Variants in LAMA2 observed in about 807,000 individuals in gnomAD.
The protein encoded by LAMA2 is laminin subunit alpha 2.
A neutral mutation model predicts 364.8 loss-of-function variants in LAMA2; 269 were observed. The observed-to-expected ratio is 0.74, with a 90% CI of 0.67 to 0.82. LAMA2 has a LOEUF of 0.82. LAMA2 is among the 40% of genes least tolerant of loss of function. The pLI, the probability that LAMA2 is intolerant of heterozygous loss-of-function variation, is 0.00. For synonymous variants in LAMA2, 1,379 were observed against 1,370.6 expected (o/e 1.01, Z -0.14); for missense variants, 3,807 against 3,873.2 (o/e 0.98, Z 0.45).
At chr6:129,449,627 G>C (rs1220041747) in intron 45 of LAMA2, among the ~76,000 whole-genome samples, 1 of 152,052 alleles carries the variant, frequency 6.6e-6, no homozygotes, top group Non-Finnish European at 1.5e-5. Context: ...GGCATATTGG[G>C]TATAACAACA....
At chr6:128,918,563 C>T (rs1778495591) in intron 1 of LAMA2, among the ~76,000 whole-genome samples, 1 of 152,188 alleles carries the variant, frequency 6.6e-6, no homozygotes, top group South Asian at 2.1e-4. Context: ...AGAAAATTGT[C>T]ACCCAACCTA....
At chr6:128,910,653 C>T (rs1264027162) in intron 1 of LAMA2, among the ~76,000 whole-genome samples, 1 of 152,176 alleles carries the variant, frequency 6.6e-6, no homozygotes, top group Admixed American at 6.5e-5. Context: ...AGTCGTTCTC[C>T]GTCTAGCTTC....
chr6:129,429,989 A>G lies in LAMA2; in HGVS notation c.5968+2135A>G, dbSNP rs528262838. Among the ~76,000 whole-genome samples the G allele has an allele frequency of 1.4e-4, 22 of 152,320 alleles. No individual in the cohort carries two copies. In the East Asian group the frequency reaches 2.1e-3, roughly 15 times the overall value. ...TTTAAATTTATTTTTTTTGTAGTTC[A>G]GGTAGTACATTATTTAAAGTAATGA... On this transcript the variant is annotated intron_variant, in intron 41 of 64. Coordinates refer to ENST00000421865, the MANE Select transcript of LAMA2 (RefSeq NM_000426.4).
intron 13 of LAMA2, among the ~76,000 whole-genome samples, chr6:129,251,349 A>C (rs2114283547): frequency 6.6e-6 from 1 of 151,968 alleles, no homozygotes; most frequent in South Asian, 2.1e-4. Context: ...AGCTTAATTC[A>C]GTTTTAAGTT....
chr6:129,402,360 T>C lies in LAMA2; in HGVS notation c.5599T>C (p.Ser1867Pro), dbSNP rs1294695611. The C allele has an allele frequency of 6.2e-7, 1 of 1,614,000 alleles. No homozygotes were observed. Among genetic ancestry groups the C allele is most frequent in the Non-Finnish European group, 8.5e-7 (1 of 1,179,924 alleles). Residue 1867 changes from serine (S) to proline (P), a missense_variant, in exon 39 of 65, where the codon TCT becomes CCT. This residue lies in a region of LAMA2 where 3,333 missense variants were observed against 3,345.7 expected (regional missense o/e 1.00). Transcript: ENST00000421865. ...EDIQTKLPPM[S>P]EELNDKIDDL... Reference sequence around the variant, plus strand: ...CATCCAAACTAAATTGCCACCTATGTCTGAGGAGCTTAATGATAAAATAGA... The same window carrying C: ...CATCCAAACTAAATTGCCACCTATGCCTGAGGAGCTTAATGATAAAATAGA...
chr6:129,485,487 A>C (rs1000620554), intron 55 of LAMA2, among the ~76,000 whole-genome samples: 3 of 152,226 alleles, frequency 2.0e-5, no homozygotes, highest in Non-Finnish European at 4.4e-5. Context: ...TCTGTTAGAC[A>C]TAATTAGATT....
At position 128,961,345 on chromosome 6, in the gene LAMA2, ATATATATATATATATATATATATT is replaced by A. The variant is rs1316815063; in HGVS notation, c.112+77989_112+78012del. On this transcript the variant is annotated intron_variant, in intron 1 of 64. Coordinates refer to ENST00000421865, the MANE Select transcript of LAMA2 (RefSeq NM_000426.4). ...TATATATATATATATATATATATAT[ATATATATATATATATATATATATT>A]AGTTTATTAAGTATTAACTTATACG... 7.2e-4 allele frequency among the ~76,000 whole-genome samples: 48 copies of A among 66,348 alleles called. 4 individuals carry two copies. Among genetic ancestry groups the A allele is most frequent in the African/African-American group, 2.4e-3 (43 of 17,666 alleles). 43.5% of individuals were successfully genotyped at this position (66,348 alleles called of 152,430 possible).
chr6:129,006,229 G>C (rs1784436950), intron 1 of LAMA2, among the ~76,000 whole-genome samples: 1 of 152,066 alleles, frequency 6.6e-6, no homozygotes, highest in Non-Finnish European at 1.5e-5. Context: ...TTGAGACCAA[G>C]TGACATTTCA....
chr6:129,428,392 C>G (rs1255134328), intron 41 of LAMA2, among the ~76,000 whole-genome samples: 1 of 152,232 alleles, frequency 6.6e-6, no homozygotes, highest in Non-Finnish European at 1.5e-5. Flanking sequence ...TGTGATCACA[C>G]TACTGTACAC....
At chr6:129,110,283 T>A (rs1264689064) in intron 4 of LAMA2, among the ~76,000 whole-genome samples, 1 of 152,050 alleles carries the variant, frequency 6.6e-6, no homozygotes, top group Non-Finnish European at 1.5e-5. Context: ...AGAAAAGAAC[T>A]ATTAAATGAA....
chr6:129,319,641 G>A (rs1347923086), intron 27 of LAMA2, among the ~76,000 whole-genome samples: 1 of 152,080 alleles, frequency 6.6e-6, no homozygotes, highest in Non-Finnish European at 1.5e-5. Flanking sequence ...GAACAACATG[G>A]TGGTTAGGAG....
intron 29 of LAMA2, among the ~76,000 whole-genome samples, chr6:129,330,597 TG>T (rs1302275891): frequency 0.021 from 1,509 of 70,678 alleles, 53 homozygotes; most frequent in African/African-American, 0.072. Context: ...GTTTGGTTTT[TG>T]TTTTTTTTTT....
At chr6:129,323,306 A>G (rs890631583) in intron 28 of LAMA2, among the ~76,000 whole-genome samples, 8 of 152,324 alleles carry the variant, frequency 5.3e-5, no homozygotes, top group Middle Eastern at 3.4e-3. Context: ...TACAAAATGT[A>G]TAGTATTCTA....
At chr6:129,046,922 A>G (rs1012594165) in intron 1 of LAMA2, among the ~76,000 whole-genome samples, 1 of 152,214 alleles carries the variant, frequency 6.6e-6, no homozygotes, top group African/African-American at 2.4e-5. Context: ...TTTTATTCTC[A>G]GATCCTTTAC....
rs115304656 is a variant in LAMA2 at position 129,369,418 on chromosome 6, G to A, written c.4861-474G>A. On this transcript the variant is annotated intron_variant, in intron 33 of 64. Coordinates refer to ENST00000421865, the MANE Select transcript of LAMA2 (RefSeq NM_000426.4). ...ACCGAGGACAGGCCAGTTAGTTAGC[G>A]CCTAGCCAGGTCTCTATGTTAAGGC... is the stretch of plus-strand genomic sequence containing the variant. Among the ~76,000 whole-genome samples the A allele has an allele frequency of 1.8e-3, 274 of 152,230 alleles. 1 individual carries two copies. Among genetic ancestry groups the A allele is most frequent in the African/African-American group, 6.0e-3 (249 of 41,542 alleles).
chr6:129,180,453 G>A (rs895326552), intron 10 of LAMA2, among the ~76,000 whole-genome samples: 2 of 151,874 alleles, frequency 1.3e-5, no homozygotes, highest in South Asian at 4.1e-4. Flanking sequence ...TATAACATAT[G>A]AGTTTTTAAA....
intron 1 of LAMA2, among the ~76,000 whole-genome samples, chr6:128,920,785 TA>T (rs372329788): frequency 3.9e-5 from 6 of 151,970 alleles, no homozygotes; most frequent in African/African-American, 1.5e-4. Flanking sequence ...AATACAACTT[TA>T]GGTTGCTTTT....
chr6:129,259,254 G>A (rs1331443039), intron 14 of LAMA2, among the ~76,000 whole-genome samples: 3 of 152,072 alleles, frequency 2.0e-5, no homozygotes, highest in Non-Finnish European at 4.4e-5. Flanking sequence ...CTTGTAATGA[G>A]CCTTTTAGCT....
chr6:129,403,154 C>A (rs1780069816), intron 39 of LAMA2, among the ~76,000 whole-genome samples: 1 of 152,152 alleles, frequency 6.6e-6, no homozygotes, highest in Admixed American at 6.5e-5. Flanking sequence ...AATAATTTGC[C>A]CAGATAAATC....
Sources: gnomAD v4.1 joint callset for allele counts (sites outside exome capture counted in the v4.1 genomes callset) on GRCh38, gnomAD v4.1.1 for gene constraint, gnomAD v4.1.1 regional missense constraint, MANE v1.5 for transcripts, NCBI Gene and HGNC (gene_info 2026-07-23, HGNC 2026-07-21) for gene names.